The following TBC1D22B variants were observed in gnomAD, a reference collection of about 807,000 sequenced individuals.
TBC1D22B encodes chromosome 6 open reading frame 197.
Under a neutral mutation model 69.1 loss-of-function variants are expected in TBC1D22B, and 32 were observed. The ratio of observed to expected loss-of-function variants is 0.46; its 90% CI spans 0.35 to 0.62. The LOEUF is 0.62. Among genes scored for constraint, TBC1D22B ranks in the 20% least tolerant of loss-of-function variants. The pLI, the probability that TBC1D22B is intolerant of heterozygous loss-of-function variation, is 0.00. For missense variants in TBC1D22B, 462 were observed against 630.9 expected (o/e 0.73, Z 2.87); for synonymous variants, 206 against 229.8 (o/e 0.90, Z 0.94).
At chr6:37,316,866 G>A in intron 11 of TBC1D22B, 36 bp downstream of exon 11, 23 of 1,613,092 alleles carry the variant, frequency 1.4e-5, no homozygotes, top group Non-Finnish European at 1.9e-5. Context: ...GTGCCAGGCT[G>A]TCTCTGAGGT....
chr6:37,305,244 A>G (rs1767675897), intron 8 of TBC1D22B, among the ~76,000 whole-genome samples: 1 of 152,318 alleles, frequency 6.6e-6, no homozygotes, highest in Non-Finnish European at 1.5e-5. Flanking sequence ...GAAACTGGAC[A>G]AACTTTATTA....
At position 37,313,779 on chromosome 6, in the gene TBC1D22B, G is replaced by C. The variant is rs376802262; in HGVS notation, c.1090-37G>C. 3.1e-5 allele frequency: 49 copies of C among 1,595,532 alleles called. No homozygotes were observed. The Middle Eastern group carries it at 8.3e-4, about 27-fold the overall frequency. On this transcript the variant is annotated intron_variant, in intron 9 of 12. Transcript: ENST00000373491. Reference sequence around the variant, plus strand: ...GAATGTCAGGTGATAACACAAGTTAGAGTCCATGTTCATCCTGGGCTCTGT... The same window carrying C: ...GAATGTCAGGTGATAACACAAGTTACAGTCCATGTTCATCCTGGGCTCTGT...
chr6:37,272,399 C>T (rs1766516379), intron 2 of TBC1D22B, among the ~76,000 whole-genome samples: 1 of 148,114 alleles, frequency 6.8e-6, no homozygotes, highest in Admixed American at 6.8e-5. Flanking sequence ...TCTTGCGCTG[C>T]TGCTCAGGCT....
At chr6:37,286,350 C>G (rs761293493) in intron 6 of TBC1D22B, among the ~76,000 whole-genome samples, 2 of 148,592 alleles carry the variant, frequency 1.3e-5, no homozygotes, top group Non-Finnish European at 1.5e-5. Flanking sequence ...GAGTCTTGCT[C>G]TGTCGCCCAG....
intron 8 of TBC1D22B, among the ~76,000 whole-genome samples, chr6:37,297,007 T>G (rs992844140): frequency 6.6e-6 from 1 of 151,986 alleles, no homozygotes; most frequent in Non-Finnish European, 1.5e-5. Context: ...TTGTATTTTT[T>G]GTAGAGACAG....
chr6:37,321,989 G>A (rs1030762917), intron 12 of TBC1D22B, among the ~76,000 whole-genome samples: 1 of 152,212 alleles, frequency 6.6e-6, no homozygotes, highest in Admixed American at 6.5e-5. Flanking sequence ...AAATGGTGGA[G>A]ACAATGTAAG....
At chr6:37,298,940 G>A (rs1196652820) in intron 8 of TBC1D22B, among the ~76,000 whole-genome samples, 1 of 152,174 alleles carries the variant, frequency 6.6e-6, no homozygotes, top group Admixed American at 6.5e-5. Flanking sequence ...GTATTTCTCT[G>A]AAAGAGTCCT....
At chr6:37,274,976 C>T (rs942860583) in intron 2 of TBC1D22B, among the ~76,000 whole-genome samples, 1 of 152,138 alleles carries the variant, frequency 6.6e-6, no homozygotes. Context: ...CGCTTGAACC[C>T]GGAGGCGGAG....
At chr6:37,305,523 CTT>C (rs35314504) in intron 8 of TBC1D22B, among the ~76,000 whole-genome samples, 2 of 145,436 alleles carry the variant, frequency 1.4e-5, no homozygotes, top group African/African-American at 2.5e-5. Context: ...TGCCTATTTC[CTT>C]TTTTTTTTTT....
chr6:37,325,908 G>GA (rs1768386287), intron 12 of TBC1D22B, among the ~76,000 whole-genome samples: 1 of 152,192 alleles, frequency 6.6e-6, no homozygotes, highest in Non-Finnish European at 1.5e-5. Context: ...TAGAGGTGGG[G>GA]ATGTTGCAGT....
chr6:37,278,794 A>G (rs1030710665), intron 2 of TBC1D22B, among the ~76,000 whole-genome samples: 3 of 152,066 alleles, frequency 2.0e-5, no homozygotes, highest in African/African-American at 7.2e-5. Context: ...TTAGCCAGGC[A>G]TCGTGGTGTA....
At chr6:37,295,577 A>G (rs1767338143) in intron 8 of TBC1D22B, 1 of 429,092 alleles carries the variant, frequency 2.3e-6, no homozygotes, top group Non-Finnish European at 4.8e-6. Context: ...TCCTCCACTG[A>G]TATTCATCCA....
At chr6:37,269,075 G>C (rs192089675) in intron 1 of TBC1D22B, among the ~76,000 whole-genome samples, 43 of 152,150 alleles carry the variant, frequency 2.8e-4, no homozygotes, top group Admixed American at 5.9e-4. Flanking sequence ...TGAAAATACT[G>C]GGTCTTAGGG....
In TBC1D22B at chr6:37,331,059, C is replaced by T. The variant is rs772923281; in HGVS notation, c.1405C>T (p.Leu469=). 3.1e-6 allele frequency: 5 copies of T among 1,614,112 alleles called. No individual in the cohort carries two copies. In the South Asian group the frequency reaches 5.5e-5, roughly 18 times the overall value. Residue 469 remains leucine, a synonymous_variant, in exon 13 of 13, where the codon CTA becomes TTA. Transcript: ENST00000373491. The part of the protein sequence containing the change: ...EEDFQGLLML[L]QNLPTIHWGN... Reference sequence around the variant, plus strand: ...TGCATTCCAGGGTCTCCTCATGCTGCTACAGAACCTACCTACAATACACTG... The same window carrying T: ...TGCATTCCAGGGTCTCCTCATGCTGTTACAGAACCTACCTACAATACACTG...
At chr6:37,282,432 T>C (rs1180086408) in intron 4 of TBC1D22B, 68 bp downstream of exon 4, 2 of 1,476,392 alleles carry the variant, frequency 1.4e-6, no homozygotes, top group East Asian at 2.3e-5. Context: ...ACCTGGAAGC[T>C]ACTGCTCTTT....
chr6:37,312,804 G>C (rs1372693646), intron 8 of TBC1D22B, 114 bp from the exon 9 acceptor site: 9 of 792,450 alleles, frequency 1.1e-5, no homozygotes, highest in Non-Finnish European at 1.7e-5. Flanking sequence ...CTTAACATCA[G>C]GTTAGCCTGG....
rs182120350 is a variant in TBC1D22B at position 37,306,681 on chromosome 6, G to A, written c.983-6237G>A. 2.2e-3 allele frequency among the ~76,000 whole-genome samples: 337 copies of A among 152,248 alleles called. 1 individual carries two copies. The highest frequency in any genetic ancestry group is 4.0e-3 in the Non-Finnish European group (274 of 68,012). The stretch of plus-strand genomic sequence containing the variant: ...CTAAGGAAAATAGTGAAAACTTGGT[G>A]GTATGTTGGTTTTTAAAATTAATTT... On this transcript the variant is annotated intron_variant, in intron 8 of 12. Coordinates refer to ENST00000373491, the MANE Select transcript of TBC1D22B (RefSeq NM_017772.4).
intron 8 of TBC1D22B, among the ~76,000 whole-genome samples, chr6:37,305,799 C>T (rs965009169): frequency 7.2e-5 from 11 of 152,214 alleles, no homozygotes; most frequent in African/African-American, 1.7e-4. Flanking sequence ...GGATTACAGG[C>T]GTCAGCCACC....
intron 6 of TBC1D22B, among the ~76,000 whole-genome samples, chr6:37,285,864 C>T (rs2113744891): frequency 6.6e-6 from 1 of 152,320 alleles, no homozygotes; most frequent in East Asian, 1.9e-4. Flanking sequence ...TCAAGTGATC[C>T]ACCCGCCTCA....
Sources: gnomAD v4.1 joint callset for allele counts (sites outside exome capture counted in the v4.1 genomes callset) on GRCh38, gnomAD v4.1.1 for gene constraint, MANE v1.5 for transcripts, NCBI Gene and HGNC (gene_info 2026-07-23, HGNC 2026-07-21) for gene names.